The following RESP18 variants were observed in gnomAD, a reference collection of about 807,000 sequenced individuals.
RESP18 encodes regulated endocrine-specific protein 18.
A neutral mutation model predicts 30.0 loss-of-function variants in RESP18; 30 were observed. The ratio of observed to expected loss-of-function variants is 1.00; its 90% CI spans 0.75 to 1.36. The LOEUF is 1.36. Among genes scored for constraint, RESP18 ranks in the 40% most tolerant of loss-of-function variants. The pLI is 0.00. For missense variants in RESP18, 320 were observed against 284.2 expected (o/e 1.13, Z -0.91); for synonymous variants, 117 against 111.2 (o/e 1.05, Z -0.33).
At chr2:219,332,392 C>A (rs1235836664) in intron 2 of RESP18, 132 bp downstream of exon 1, 7 of 686,664 alleles carry the variant, frequency 1.0e-5, no homozygotes, top group African/African-American at 1.8e-5. Context: ...CGCTGTCTAC[C>A]TTTTTCTCTT....
In RESP18 at chr2:219,332,631, C is replaced by T. The variant is rs201104679; in HGVS notation, c.125G>A (p.Arg42Lys). ...CCCAGGCCACAGTGGGTGCTGTATC[C>T]TCCCAGGCTCGGCGCGCTCACTCCC... The change falls in exon 2 of 7, where the codon AGG becomes AAG. Residue 42 changes from arginine (R) to lysine (K), a missense_variant. Coordinates refer to ENST00000333527, the MANE Select transcript of RESP18 (RefSeq NM_001007089.4). The T allele has an allele frequency of 1.0e-4, 156 of 1,551,456 alleles. No individual in the cohort carries two copies. The African/African-American group carries it at 1.6e-3, about 16-fold the overall frequency.
intron 6 of RESP18, among the ~76,000 whole-genome samples, 168 bp from the exon 6 acceptor site, chr2:219,327,731 C>T (rs954571483): frequency 6.6e-6 from 1 of 152,194 alleles, no homozygotes; most frequent in Non-Finnish European, 1.5e-5. Flanking sequence ...TCACATGTAG[C>T]CCTGTCTCTC....
In RESP18 at chr2:219,328,906, T is replaced by A; in HGVS notation, c.640+18A>T. 1 of 1,522,752 alleles carries A rather than the reference T, an allele frequency of 6.6e-7. No homozygotes were observed. The highest frequency in any genetic ancestry group is 8.9e-7 in the Non-Finnish European group (1 of 1,122,076). The allele number at this position is 1,522,752 out of a possible 1,614,324, so 94.3% of individuals were successfully genotyped here. A position where few individuals can be genotyped will look rare whatever the true frequency, so the allele number is the denominator to read the frequency against. On this transcript the variant is annotated intron_variant, in intron 6 of 6. Transcript: ENST00000333527. ...AAAACTCTGCTGTTTCAATGCCTAT[T>A]TTAAACTCAATACTTACGCATGATC...
chr2:219,331,143 G>T, intron 2 of RESP18: 1 of 351,370 alleles, frequency 2.8e-6, no homozygotes, highest in South Asian at 4.1e-5. Context: ...AAGTTCAGAT[G>T]CGCAGAGGCT....
chr2:219,330,885 A>C lies in RESP18; in HGVS notation c.233-10T>G. 2.0e-6 allele frequency: 3 copies of C among 1,522,228 alleles called. No individual in the cohort carries two copies. The highest frequency in any genetic ancestry group is 2.7e-6 in the Non-Finnish European group (3 of 1,120,090). 94.3% of individuals were successfully genotyped at this position (1,522,228 alleles called of 1,614,324 possible). Reference sequence around the variant, plus strand: ...ACTTGGTCCTGACCATCTAAGGGCAAAATAGTGGTGTCAGCAAGGAACCTG... The same window carrying C: ...ACTTGGTCCTGACCATCTAAGGGCACAATAGTGGTGTCAGCAAGGAACCTG... On this transcript the variant is annotated splice_polypyrimidine_tract_variant and intron_variant, in intron 2 of 6. Coordinates refer to ENST00000333527, the MANE Select transcript of RESP18 (RefSeq NM_001007089.4).
Position 219,329,631 on chromosome 2 carries a change from C to A in RESP18, c.465+6G>T. The A allele has an allele frequency of 6.4e-7, 1 of 1,551,404 alleles. No homozygotes were observed. Among genetic ancestry groups the A allele is most frequent in the African/African-American group, 1.4e-5 (1 of 73,156 alleles). On this transcript the variant is annotated splice_donor_region_variant and intron_variant, in intron 4 of 6. Coordinates refer to ENST00000333527, the MANE Select transcript of RESP18 (RefSeq NM_001007089.4). ...TTGGAATGACCACAGGCCTCATGCA[C>A]CTCACCTCAGTGGTTTTAGTGGGGA...
At chr2:219,331,427 T>C (rs903923424) in intron 2 of RESP18, among the ~76,000 whole-genome samples, 4 of 152,182 alleles carry the variant, frequency 2.6e-5, no homozygotes, top group African/African-American at 4.8e-5. Context: ...ATCAGTGAGA[T>C]AGGGCTGGAG....
intron 4 of RESP18, 105 bp downstream of exon 3, chr2:219,329,530 TCA>T: frequency 6.5e-7 from 1 of 1,539,574 alleles, no homozygotes; most frequent in Non-Finnish European, 8.8e-7. Flanking sequence ...CTCTGAATTC[TCA>T]CAGTGCTCCT....
intron 4 of RESP18, 139 bp downstream of exon 3, chr2:219,329,498 C>T: frequency 6.5e-7 from 1 of 1,542,600 alleles, no homozygotes; most frequent in Non-Finnish European, 8.7e-7. Flanking sequence ...TGAAATTCTT[C>T]TCTGCTGATT....
intron 6 of RESP18, 91 bp downstream of exon 5, chr2:219,328,833 A>C: frequency 1.4e-6 from 1 of 732,490 alleles, no homozygotes; most frequent in Non-Finnish European, 2.4e-6. Flanking sequence ...TGTTGCTATC[A>C]TGTGCTATAT....
chr2:219,327,999 G>A (rs1574946954), intron 6 of RESP18, among the ~76,000 whole-genome samples: 1 of 152,306 alleles, frequency 6.6e-6, no homozygotes, highest in South Asian at 2.1e-4. Flanking sequence ...GATGGAGGGT[G>A]CAGCCAGCCG....
At chr2:219,329,474 T>C (rs1048894946) in intron 4 of RESP18, 163 bp downstream of exon 3, 28 of 1,549,932 alleles carry the variant, frequency 1.8e-5, no homozygotes, top group African/African-American at 2.7e-5. Flanking sequence ...TTTGCAGATA[T>C]CACTAATGGA....
Position 219,329,793 on chromosome 2 carries a change from T to C in RESP18, c.338-29A>G. On this transcript the variant is annotated intron_variant, in intron 3 of 6. Transcript: ENST00000333527. Reference sequence around the variant, plus strand: ...CAGGATGAAAGGATGGGGGGTGAGTTGACACCTGAGACACTCGGATCCACT... The same window carrying C: ...CAGGATGAAAGGATGGGGGGTGAGTCGACACCTGAGACACTCGGATCCACT... 2.6e-6 allele frequency: 4 copies of C among 1,544,100 alleles called. No homozygotes were observed. In the South Asian group the frequency reaches 4.8e-5, roughly 18 times the overall value.
At chr2:219,327,644 A>C in intron 6 of RESP18, 81 bp from the exon 6 acceptor site, 1 of 1,173,684 alleles carries the variant, frequency 8.5e-7, no homozygotes, top group Non-Finnish European at 1.2e-6. Flanking sequence ...TTCCACAAAT[A>C]CTGTAGTAAC....
chr2:219,333,089 G>T, intron 1 of RESP18: 1 of 1,217,852 alleles, frequency 8.2e-7, no homozygotes. Context: ...AATCATATAG[G>T]TTCGATCTGC....
Position 219,328,930 on chromosome 2 carries a change from T to C in RESP18, c.634A>G (p.Ile212Val), listed in dbSNP as rs906121810. 5.2e-6 allele frequency: 8 copies of C among 1,548,000 alleles called. No individual in the cohort carries two copies. The Admixed American group carries it at 1.2e-4, about 23-fold the overall frequency. The change falls in exon 6 of 7, where the codon ATC becomes GTC. Residue 212 changes from isoleucine to valine, a missense_variant. Physicochemically the swap from Ile to Val is conservative, Grantham distance 29 (BLOSUM62 3). Coordinates refer to ENST00000333527, the MANE Select transcript of RESP18 (RefSeq NM_001007089.4). The stretch of plus-strand genomic sequence containing the variant: ...TTTTAAACTCAATACTTACGCATGA[T>C]CTTATAGATAATTTCTTCCTTAGAG...
At chr2:219,329,796 C>T (rs1034400920) in intron 3 of RESP18, 32 bp from the exon 3 acceptor site, 3 of 1,540,840 alleles carry the variant, frequency 1.9e-6, no homozygotes, top group Non-Finnish European at 2.6e-6. Context: ...GGTGAGTTGA[C>T]ACCTGAGACA....
At chr2:219,328,141 AGGGT>A (rs1452122118) in intron 6 of RESP18, among the ~76,000 whole-genome samples, 2 of 152,230 alleles carry the variant, frequency 1.3e-5, no homozygotes, top group Non-Finnish European at 2.9e-5. Flanking sequence ...CAACATCACC[AGGGT>A]GGCCTTTTAA....
At position 219,333,163 on chromosome 2, in the gene RESP18, C is replaced by G. The variant is rs960946962; in HGVS notation, c.15G>C (p.Val5=). The change falls in exon 1 of 7, where the codon GTG becomes GTC. Residue 5 remains valine (V), a splice_region_variant and synonymous_variant. Transcript: ENST00000333527. The stretch of plus-strand genomic sequence containing the variant: ...TATGGCACATCCATCCACTTTACTC[C>G]ACATCCACTGCCATCGCCTTGGTCC... The G allele has an allele frequency of 4.2e-5, 64 of 1,539,510 alleles. No homozygotes were observed. Among genetic ancestry groups the G allele is most frequent in the Admixed American group, 1.0e-4 (5 of 50,140 alleles).
Sources: allele counts gnomAD v4.1 joint callset (sites outside exome capture counted in the v4.1 genomes callset), GRCh38; gene constraint gnomAD v4.1.1; transcripts MANE v1.5; gene names NCBI Gene and HGNC (gene_info 2026-07-23, HGNC 2026-07-21).